GUCY2C: variants seen among roughly 807,000 people sequenced by gnomAD.
GUCY2C encodes guanylyl cyclase C.
GUCY2C carries 118 observed loss-of-function variants against 131.1 expected under a neutral mutation model. That is an observed-to-expected ratio of 0.90 (90% confidence interval 0.78 to 1.05). The LOEUF (loss-of-function observed/expected upper bound fraction) is 1.05. GUCY2C is among the 50% of genes least tolerant of loss of function. GUCY2C has a pLI of 0.00. For synonymous variants in GUCY2C, 452 were observed against 457.8 expected (o/e 0.99, Z 0.16); for missense variants, 1,161 against 1,304.4 (o/e 0.89, Z 1.69).
At position 14,688,031 on chromosome 12, in the gene GUCY2C, A is replaced by G; in HGVS notation, c.250T>C (p.Tyr84His). The part of the protein sequence containing the change: ...LNVTVNATFM[Y>H]SDGLIHNSGD... ...GAGTTATGAATCAGACCATCCGAATACATGAAAGTAGCGTTCACAGTCACA... is the reference window on the plus strand; with the variant it reads ...GAGTTATGAATCAGACCATCCGAATGCATGAAAGTAGCGTTCACAGTCACA... The change falls in exon 2 of 27, where the codon TAT (tyrosine) becomes CAT (histidine). Residue 84 changes from tyrosine (Y) to histidine (H), a missense_variant. Tyr to His is a moderately conservative substitution (Grantham distance 83, BLOSUM62 2). Coordinates refer to ENST00000261170, the MANE Select transcript of GUCY2C (RefSeq NM_004963.4). The G allele has an allele frequency of 6.2e-7, 1 of 1,613,736 alleles. No homozygotes were observed. The highest frequency in any genetic ancestry group is 8.5e-7 in the Non-Finnish European group (1 of 1,179,600).
At chr12:14,624,652 C>T (rs561317916) in intron 21 of GUCY2C, among the ~76,000 whole-genome samples, 20 of 152,212 alleles carry the variant, frequency 1.3e-4, no homozygotes, top group South Asian at 1.0e-3. Flanking sequence ...TTTTATCTTG[C>T]GCATAAAATT....
chr12:14,653,913 A>T (rs1947713577), intron 12 of GUCY2C, among the ~76,000 whole-genome samples: 1 of 152,246 alleles, frequency 6.6e-6, no homozygotes, highest in Admixed American at 6.5e-5. Flanking sequence ...TAAATGTCAC[A>T]TAAAAAGAGA....
intron 25 of GUCY2C, among the ~76,000 whole-genome samples, chr12:14,615,445 C>A (rs1946738955): frequency 6.6e-6 from 1 of 151,976 alleles, no homozygotes; most frequent in Non-Finnish European, 1.5e-5. Flanking sequence ...TGGGGCCCAT[C>A]TGGAGGCTAC....
intron 21 of GUCY2C, among the ~76,000 whole-genome samples, chr12:14,623,377 T>C (rs7310260): frequency 0.88 from 133,448 of 152,218 alleles, 61,145 homozygotes; most frequent in Non-Finnish European, 1. Flanking sequence ...ACCTCCAGAG[T>C]ATCCGGAGAA....
chr12:14,654,401 A>G (rs1759423919), intron 12 of GUCY2C, among the ~76,000 whole-genome samples: 1 of 152,068 alleles, frequency 6.6e-6, no homozygotes, highest in Non-Finnish European at 1.5e-5. Context: ...GCACCTGATG[A>G]GCTCTCTGTA....
At chr12:14,644,532 A>G (rs558130967) in intron 16 of GUCY2C, among the ~76,000 whole-genome samples, 9 of 152,312 alleles carry the variant, frequency 5.9e-5, no homozygotes, top group South Asian at 4.1e-4. Context: ...TTCTGAACCC[A>G]TATAACTTTC....
chr12:14,613,333 T>C lies in GUCY2C; in HGVS notation c.3048-42A>G. On this transcript the variant is annotated intron_variant, in intron 26 of 26. Transcript: ENST00000261170. The surrounding 1 kb of genome is among the most constrained non-coding windows in gnomAD (Gnocchi z 4.9). ...AAGAGAAAATAGAACTTCTCAGCAA[T>C]TCATACAGAATATTCCTTAGCTCCA... 6.9e-7 allele frequency: 1 copy of C among 1,444,850 alleles called. No homozygotes were observed. Among genetic ancestry groups the C allele is most frequent in the Non-Finnish European group, 9.7e-7 (1 of 1,026,908 alleles). The allele number at this position is 1,444,850 out of a possible 1,614,324, so 89.5% of individuals were successfully genotyped here. A position where few individuals can be genotyped will look rare whatever the true frequency, so the allele number is the denominator to read the frequency against.
chr12:14,644,922 T>C (rs1441302556), intron 16 of GUCY2C, among the ~76,000 whole-genome samples: 1 of 151,938 alleles, frequency 6.6e-6, no homozygotes, highest in African/African-American at 2.4e-5. Flanking sequence ...GTCTTTCTTG[T>C]AGTTTTATAT....
rs564938368 is a variant in GUCY2C at position 14,646,473 on chromosome 12, C to G, written c.1711-1158G>C. Among the ~76,000 whole-genome samples, 6 of 152,210 alleles carry G rather than the reference C, an allele frequency of 3.9e-5. No individual in the cohort carries two copies. The East Asian group carries it at 9.7e-4, about 25-fold the overall frequency. On this transcript the variant is annotated intron_variant, in intron 15 of 26. Transcript: ENST00000261170. ...TTCTCTCCCTTTAGCGCACCATTCA[C>G]CCATCCTACCCTGTTCTCATCTGCC... is the stretch of plus-strand genomic sequence containing the variant.
At chr12:14,622,578 G>A (rs1419509259) in intron 21 of GUCY2C, among the ~76,000 whole-genome samples, 2 of 152,204 alleles carry the variant, frequency 1.3e-5, no homozygotes, top group Non-Finnish European at 2.9e-5. Context: ...CAGAAGCTGA[G>A]GAGAGTGTGG....
chr12:14,645,154 A>T, intron 16 of GUCY2C, 75 bp downstream of exon 16: 1 of 801,516 alleles, frequency 1.2e-6, no homozygotes, highest in South Asian at 1.5e-5. Context: ...ACCAATGCAC[A>T]GAAGGTTGAA....
At chr12:14,673,684 CATTT>C (rs1948163885) in intron 8 of GUCY2C, among the ~76,000 whole-genome samples, 1 of 152,134 alleles carries the variant, frequency 6.6e-6, no homozygotes, top group Non-Finnish European at 1.5e-5. Context: ...CGGGAACAAA[CATTT>C]GTTTGTTTCC....
intron 23 of GUCY2C, among the ~76,000 whole-genome samples, chr12:14,620,569 C>A (rs1169015771): frequency 1.3e-5 from 2 of 152,116 alleles, no homozygotes; most frequent in Non-Finnish European, 2.9e-5. Flanking sequence ...GACTCATGTA[C>A]TTTCTGTATA....
chr12:14,652,146 T>C (rs1176357379), intron 13 of GUCY2C, 116 bp from the exon 14 acceptor site: 9 of 418,358 alleles, frequency 2.2e-5, no homozygotes, highest in Non-Finnish European at 3.4e-5. Context: ...GCAGTGACAG[T>C]ATTTGATTGA....
chr12:14,641,411 A>G (rs1947401345), intron 17 of GUCY2C, among the ~76,000 whole-genome samples, 192 bp from the exon 18 acceptor site: 1 of 152,196 alleles, frequency 6.6e-6, no homozygotes, highest in South Asian at 2.1e-4. Context: ...AAGGTAGAAC[A>G]CACACCTTTT....
chr12:14,634,974 C>T (rs1412115314), intron 19 of GUCY2C, among the ~76,000 whole-genome samples: 1 of 152,124 alleles, frequency 6.6e-6, no homozygotes, highest in Non-Finnish European at 1.5e-5. Flanking sequence ...AAAGCAAATA[C>T]TATTAGATCT....
chr12:14,652,084 G>T, intron 13 of GUCY2C, 54 bp from the exon 14 acceptor site: 1 of 961,704 alleles, frequency 1.0e-6, no homozygotes, highest in Non-Finnish European at 1.7e-6. Context: ...CTCTTTACAT[G>T]CATATTATAA....
intron 9 of GUCY2C, among the ~76,000 whole-genome samples, chr12:14,670,103 T>G (rs1948075777): frequency 6.6e-6 from 1 of 152,200 alleles, no homozygotes; most frequent in African/African-American, 2.4e-5. Context: ...TCTGTGGGCC[T>G]TTAGTGAATC....
At chr12:14,623,468 G>T (rs1946936865) in intron 21 of GUCY2C, among the ~76,000 whole-genome samples, 1 of 152,180 alleles carries the variant, frequency 6.6e-6, no homozygotes, top group Non-Finnish European at 1.5e-5. Flanking sequence ...CTAGGTACAC[G>T]ACTGGAGTGG....
Sources: allele counts gnomAD v4.1 joint callset (sites outside exome capture counted in the v4.1 genomes callset), GRCh38; gene constraint gnomAD v4.1.1; non-coding constraint Gnocchi (gnomAD v3.1); transcripts MANE v1.5; gene names NCBI Gene and HGNC (gene_info 2026-07-23, HGNC 2026-07-21).